TBC1D12: variants seen among roughly 807,000 people sequenced by gnomAD.
The protein encoded by TBC1D12 is TBC1 domain family, member 12.
Under a neutral mutation model 86.7 loss-of-function variants are expected in TBC1D12, and 56 were observed. The ratio of observed to expected loss-of-function variants is 0.65; its 90% CI spans 0.52 to 0.81. The LOEUF (loss-of-function observed/expected upper bound fraction) is 0.81. Among genes scored for constraint, TBC1D12 ranks in the 30% least tolerant of loss-of-function variants. The probability of loss-of-function intolerance (pLI) is 0.00; values close to 1 mark genes in which losing one functional copy is unlikely to be tolerated. For synonymous variants in TBC1D12, 421 were observed against 411.7 expected, an observed-to-expected ratio of 1.02 and a Z score of -0.27; for missense variants, 1,023 against 1,038.8, an observed-to-expected ratio of 0.98 and a Z score of 0.21.
chr10:94,519,645 G>A (rs752342065), intron 9 of TBC1D12, among the ~76,000 whole-genome samples: 1 of 152,152 alleles, frequency 6.6e-6, no homozygotes, highest in African/African-American at 2.4e-5. Context: ...GTATTGGCAG[G>A]GTTGTGCTTC....
At chr10:94,445,028 G>T (rs1364992957) in intron 2 of TBC1D12, among the ~76,000 whole-genome samples, 1 of 133,884 alleles carries the variant, frequency 7.5e-6, no homozygotes, top group Non-Finnish European at 1.6e-5. Flanking sequence ...CACCGCGCCC[G>T]GCCCCTCACA....
chr10:94,501,809 A>G (rs532439545), intron 6 of TBC1D12, among the ~76,000 whole-genome samples: 3 of 151,950 alleles, frequency 2.0e-5, no homozygotes, highest in South Asian at 4.2e-4. Flanking sequence ...CAGCCTCCCA[A>G]AGTGCTGGGA....
rs1450201319 is a variant in TBC1D12 at position 94,534,570 on chromosome 10, C to T, written c.*1474C>T. 6.6e-6 allele frequency: 1 copy of T among 152,118 alleles called. No homozygotes were observed. The highest frequency in any genetic ancestry group is 1.9e-4 in the East Asian group (1 of 5,204). The allele number at this position is 152,118 out of a possible 1,614,324, so 9.4% of individuals were successfully genotyped here. A position where few individuals can be genotyped will look rare whatever the true frequency, so the allele number is the denominator to read the frequency against. On this transcript the variant is annotated 3_prime_UTR_variant, in exon 13 of 13. Transcript: ENST00000225235. Reference sequence around the variant, plus strand: ...GCCAAGAAATGCATGATTTCCCTGCCAACTCTAGGAAGTAGTGCTGCATGA... The same window carrying T: ...GCCAAGAAATGCATGATTTCCCTGCTAACTCTAGGAAGTAGTGCTGCATGA...
chr10:94,508,761 A>G (rs2134202787), intron 7 of TBC1D12: 1 of 152,150 alleles, frequency 6.6e-6, no homozygotes, highest in South Asian at 2.1e-4. Flanking sequence ...CATATTTATA[A>G]CAGATAGTGT....
intron 1 of TBC1D12, among the ~76,000 whole-genome samples, chr10:94,413,397 T>C (rs1048400443): frequency 6.6e-6 from 1 of 152,252 alleles, no homozygotes; most frequent in Admixed American, 6.5e-5. Context: ...GGCATACCTT[T>C]ACCTTTCTTA....
intron 3 of TBC1D12, among the ~76,000 whole-genome samples, chr10:94,481,621 G>A (rs1256097839): frequency 6.6e-6 from 1 of 152,192 alleles, no homozygotes; most frequent in Non-Finnish European, 1.5e-5. Context: ...GTTATGGCTG[G>A]TTTGGTCTTT....
intron 1 of TBC1D12, among the ~76,000 whole-genome samples, chr10:94,414,993 G>A (rs1369429139): frequency 6.6e-6 from 1 of 152,124 alleles, no homozygotes; most frequent in African/African-American, 2.4e-5. Flanking sequence ...TTATCAAAAG[G>A]TAAAATAAAT....
Position 94,506,038 on chromosome 10 carries a change from GA to G in TBC1D12, c.1520-1226del. 7.9e-5 allele frequency among the ~76,000 whole-genome samples: 9 copies of G among 113,938 alleles called. 2 individuals carry two copies. Among genetic ancestry groups the G allele is most frequent in the Admixed American group, 7.7e-4 (9 of 11,692 alleles). The allele number at this position is 113,938 out of a possible 152,430, so 74.7% of individuals were successfully genotyped here. A position where few individuals can be genotyped will look rare whatever the true frequency, so the allele number is the denominator to read the frequency against. On this transcript the variant is annotated intron_variant, in intron 6 of 12. Coordinates refer to ENST00000225235, the MANE Select transcript of TBC1D12 (RefSeq NM_015188.2). ...CTCTCTACACTATTTTGTACTTTTT[GA>G]AATTTTTTTTTTTTTTAAACGGAGT... is the stretch of plus-strand genomic sequence containing the variant.
intron 11 of TBC1D12, among the ~76,000 whole-genome samples, chr10:94,524,606 G>T (rs1404862308): frequency 6.6e-6 from 1 of 151,734 alleles, no homozygotes; most frequent in African/African-American, 2.4e-5. Flanking sequence ...AGGCATGGTG[G>T]TGCATGCCTG....
chr10:94,428,518 G>GATCCA (rs1475026313), intron 1 of TBC1D12, among the ~76,000 whole-genome samples: 1 of 151,708 alleles, frequency 6.6e-6, no homozygotes, highest in African/African-American at 2.4e-5. Context: ...CAGTTCCTGA[G>GATCCA]GTCAAGTGAT....
At chr10:94,516,101 A>G (rs897260414) in intron 9 of TBC1D12, among the ~76,000 whole-genome samples, 1 of 152,234 alleles carries the variant, frequency 6.6e-6, no homozygotes, top group Non-Finnish European at 1.5e-5. Context: ...TCAGAAAGCA[A>G]AACTGGGGAA....
intron 2 of TBC1D12, among the ~76,000 whole-genome samples, chr10:94,469,819 G>A (rs972243405): frequency 1.3e-5 from 2 of 152,134 alleles, no homozygotes; most frequent in African/African-American, 2.4e-5. Flanking sequence ...CCTTTGGCCT[G>A]TCCAAACTAA....
intron 1 of TBC1D12, among the ~76,000 whole-genome samples, chr10:94,429,105 G>A (rs1046216789): frequency 4.6e-5 from 7 of 150,988 alleles, no homozygotes; most frequent in Non-Finnish European, 7.4e-5. Flanking sequence ...CCAATGTTAC[G>A]GATATTTTCT....
chr10:94,474,071 C>T (rs1275932929), intron 2 of TBC1D12, among the ~76,000 whole-genome samples: 1 of 151,862 alleles, frequency 6.6e-6, no homozygotes, highest in Non-Finnish European at 1.5e-5. Flanking sequence ...TGAATGTCAC[C>T]CTTGAGAGGG....
intron 3 of TBC1D12, among the ~76,000 whole-genome samples, chr10:94,492,799 T>C (rs895710130): frequency 2.6e-5 from 4 of 152,246 alleles, no homozygotes; most frequent in African/African-American, 9.6e-5. Flanking sequence ...GTTCTATATC[T>C]TGATTGGTTA....
rs774961028 is a variant in TBC1D12 at position 94,465,645 on chromosome 10, TAAA to T, written c.1096-9014_1096-9012del. Among the ~76,000 whole-genome samples the T allele has an allele frequency of 6.9e-3, 912 of 131,236 alleles. 10 individuals are homozygous for T. Among genetic ancestry groups the T allele is most frequent in the African/African-American group, 0.023 (785 of 34,116 alleles). The allele number at this position is 131,236 out of a possible 152,430, so 86.1% of individuals were successfully genotyped here. A position where few individuals can be genotyped will look rare whatever the true frequency, so the allele number is the denominator to read the frequency against. ...TGGGCGACAGAGCAAGACTCTTGCC[TAAA>T]AAAAAAAATATATATATATATATGT... On this transcript the variant is annotated intron_variant, in intron 2 of 12. Transcript: ENST00000225235.
At chr10:94,412,925 A>G (rs1212019246) in intron 1 of TBC1D12, among the ~76,000 whole-genome samples, 1 of 152,206 alleles carries the variant, frequency 6.6e-6, no homozygotes, top group Admixed American at 6.5e-5. Context: ...AAGAATGCAG[A>G]TTCCTTGAGA....
At chr10:94,511,503 C>A in intron 8 of TBC1D12, 80 bp from the exon 9 acceptor site, 1 of 859,824 alleles carries the variant, frequency 1.2e-6, no homozygotes, top group Non-Finnish European at 1.9e-6. Context: ...GGAAATGCTA[C>A]AGTTTATTAA....
chr10:94,407,321 G>A (rs2054867995), intron 1 of TBC1D12, among the ~76,000 whole-genome samples: 1 of 152,190 alleles, frequency 6.6e-6, no homozygotes, highest in Admixed American at 6.5e-5. Context: ...CTGTGTTTAT[G>A]GTGACTTGGC....
Sources: gnomAD v4.1 joint callset for allele counts (sites outside exome capture counted in the v4.1 genomes callset) on GRCh38, gnomAD v4.1.1 for gene constraint, MANE v1.5 for transcripts, NCBI Gene and HGNC (gene_info 2026-07-23, HGNC 2026-07-21) for gene names.